Variants in ADAMTS13 observed in about 807,000 individuals in gnomAD.
The protein encoded by ADAMTS13 is A disintegrin and metalloproteinase with thrombospondin motifs 13.
In ADAMTS13, 110 loss-of-function variants were observed where a neutral mutation model predicts 155.1. The ratio of observed to expected loss-of-function variants is 0.71; its 90% confidence interval spans 0.61 to 0.83. The LOEUF (loss-of-function observed/expected upper bound fraction) is 0.83. ADAMTS13 is among the 40% of genes least tolerant of loss of function. ADAMTS13 has a pLI of 0.00. For synonymous variants in ADAMTS13, 758 were observed against 756.4 expected (o/e 1.00, Z -0.03); for missense variants, 1,707 against 1,891.7 (o/e 0.90, Z 1.81).
In ADAMTS13 at chr9:133,439,362, C is replaced by A. The variant is rs967189107; in HGVS notation, c.1706-4C>A. The A allele has an allele frequency of 6.2e-7, 1 of 1,607,616 alleles. No individual in the cohort carries two copies. Among genetic ancestry groups the A allele is most frequent in the Non-Finnish European group, 8.5e-7 (1 of 1,174,200 alleles). ...CGCATCTCTCCTTCTTTTCTTCTTT[C>A]TAGAATATGTCACGTTTCTGACAGT... On this transcript the variant is annotated splice_polypyrimidine_tract_variant and splice_region_variant and intron_variant, in intron 14 of 28. Coordinates refer to ENST00000355699, the MANE Select transcript of ADAMTS13 (RefSeq NM_139027.6).
At chr9:133,446,758 TC>T (rs1204086994) in intron 21 of ADAMTS13, among the ~76,000 whole-genome samples, 1 of 152,230 alleles carries the variant, frequency 6.6e-6, no homozygotes, top group Non-Finnish European at 1.5e-5. Context: ...TGGACTGTTT[TC>T]CCCAGTGGCT....
chr9:133,439,555 C>G (rs1445998456), intron 15 of ADAMTS13, 109 bp downstream of exon 15: 1 of 950,770 alleles, frequency 1.1e-6, no homozygotes, highest in Admixed American at 1.7e-5. Flanking sequence ...AGGGGGTTCC[C>G]CAAACCACCC....
chr9:133,419,476 A>G (rs1839856220), upstream of ADAMTS13, among the ~76,000 whole-genome samples: 2 of 152,344 alleles, frequency 1.3e-5, no homozygotes, highest in Middle Eastern at 3.4e-3. Context: ...TAGTTCATCC[A>G]AAGAGAGAGT....
At chr9:133,438,425 G>A in intron 14 of ADAMTS13, 59 bp downstream of exon 14, 6 of 1,605,608 alleles carry the variant, frequency 3.7e-6, no homozygotes, top group Admixed American at 1.7e-5. Context: ...GATGGCCACA[G>A]CCCAGAGCGT....
In ADAMTS13 at chr9:133,445,694, C is replaced by T; in HGVS notation, c.2611-5C>T. On this transcript the variant is annotated splice_polypyrimidine_tract_variant and splice_region_variant and intron_variant, in intron 20 of 28. Transcript: ENST00000355699. The surrounding 1 kb of genome is among the most constrained non-coding windows in gnomAD (Gnocchi z 5.0). ...GACCCACCAGCTTGTTGCTATTCCCCACAGCTGGATGCCACCTCTGCAGGG... is the reference window on the plus strand; with the variant it reads ...GACCCACCAGCTTGTTGCTATTCCCTACAGCTGGATGCCACCTCTGCAGGG... 1 of 1,612,926 alleles carries T rather than the reference C, an allele frequency of 6.2e-7. No homozygotes were observed. The highest frequency in any genetic ancestry group is 8.5e-7 in the Non-Finnish European group (1 of 1,179,860).
intron 21 of ADAMTS13, 94 bp from the exon 22 acceptor site, chr9:133,448,505 G>A (rs1020782854): frequency 7.1e-6 from 11 of 1,545,280 alleles, no homozygotes; most frequent in South Asian, 1.1e-5. Flanking sequence ...AAACCCATGC[G>A]GGCCTTATGT....
At position 133,456,828 on chromosome 9, in the gene ADAMTS13, G is replaced by A. The variant is rs587652810; in HGVS notation, c.3724+109G>A. On this transcript the variant is annotated intron_variant, in intron 27 of 28. Transcript: ENST00000355699. The surrounding 1 kb of genome is among the most constrained non-coding windows in gnomAD (Gnocchi z 4.4). ...TCCCAGTGGGGCAGTGGGAAGATAC[G>A]GAGGGAACTGACTGAGATGGAAGGA... The A allele has an allele frequency of 3.7e-5, 51 of 1,366,850 alleles. No individual in the cohort carries two copies. Among genetic ancestry groups the A allele is most frequent in the Admixed American group, 5.9e-5 (3 of 50,766 alleles). 84.7% of individuals were successfully genotyped at this position (1,366,850 alleles called of 1,614,324 possible).
chr9:133,457,023 C>T (rs1554796308), intron 27 of ADAMTS13: 1 of 494,386 alleles, frequency 2.0e-6, no homozygotes, highest in Admixed American at 3.0e-5. Flanking sequence ...CCGCCCCCAC[C>T]CCTCCAGCCT....
At position 133,456,203 on chromosome 9, in the gene ADAMTS13, A is replaced by T; in HGVS notation, c.3535A>T (p.Asn1179Tyr). Reference protein sequence around the residue: ...VTLRVLESSLNCSAGDMLLLW... With the variant: ...VTLRVLESSLYCSAGDMLLLW... ...CCTCCGCGTCCTTGAGAGTTCTCTC[A>T]ACTGCAGTGCGGGTATGTCTAGGGC... is the stretch of plus-strand genomic sequence containing the variant. The change falls in exon 26 of 29, where the codon AAC becomes TAC. Residue 1179 changes from asparagine to tyrosine, a missense_variant. Physicochemically the swap from Asn to Tyr is moderately radical, Grantham distance 143 (BLOSUM62 -2). Coordinates refer to ENST00000355699, the MANE Select transcript of ADAMTS13 (RefSeq NM_139027.6). The surrounding 1 kb of genome is among the most constrained non-coding windows in gnomAD (Gnocchi z 4.4). The T allele has an allele frequency of 6.2e-7, 1 of 1,613,526 alleles. No individual in the cohort carries two copies. Among genetic ancestry groups the T allele is most frequent in the Non-Finnish European group, 8.5e-7 (1 of 1,180,022 alleles).
At chr9:133,438,392 G>T (rs1841410775) in intron 14 of ADAMTS13, 26 bp downstream of exon 14, 1 of 1,612,270 alleles carries the variant, frequency 6.2e-7, no homozygotes, top group South Asian at 1.1e-5. Context: ...CGGGGCAGAG[G>T]CTGGGCTTCC....
chr9:133,437,086 C>T, intron 12 of ADAMTS13, 131 bp downstream of exon 12: 17 of 1,246,570 alleles, frequency 1.4e-5, no homozygotes, highest in Non-Finnish European at 1.9e-5. Context: ...TGGCATCCCA[C>T]AGACCATGGA....
chr9:133,448,525 G>T, intron 21 of ADAMTS13, 74 bp from the exon 22 acceptor site: 1 of 1,594,142 alleles, frequency 6.3e-7, no homozygotes, highest in Non-Finnish European at 8.5e-7. Flanking sequence ...TGCTAGAGGT[G>T]TCCAGTGAGC....
At chr9:133,447,177 T>C (rs1389754238) in intron 21 of ADAMTS13, among the ~76,000 whole-genome samples, 2 of 152,128 alleles carry the variant, frequency 1.3e-5, no homozygotes, top group Non-Finnish European at 2.9e-5. Flanking sequence ...TTTTTTATAA[T>C]GGCCATCCTA....
intron 11 of ADAMTS13, 93 bp from the exon 12 acceptor site, chr9:133,436,736 G>C: frequency 7.6e-7 from 1 of 1,310,530 alleles, no homozygotes; most frequent in East Asian, 2.6e-5. Flanking sequence ...CCCACATCTT[G>C]ATCCTGTACT....
chr9:133,437,084 C>T, intron 12 of ADAMTS13, 129 bp downstream of exon 12: 1 of 1,257,318 alleles, frequency 8.0e-7, no homozygotes, highest in Non-Finnish European at 1.1e-6. Flanking sequence ...TCTGGCATCC[C>T]ACAGACCATG....
upstream of ADAMTS13, among the ~76,000 whole-genome samples, chr9:133,420,218 T>C (rs1839900786): frequency 6.6e-6 from 1 of 152,002 alleles, no homozygotes; most frequent in Admixed American, 6.6e-5. Flanking sequence ...TTTTGTATTT[T>C]TGAAAAGAGA....
At chr9:133,422,627 G>A (rs1554783735) in intron 1 of ADAMTS13, 79 bp downstream of exon 1, 45 of 1,416,478 alleles carry the variant, frequency 3.2e-5, no homozygotes, top group Admixed American at 7.3e-5. Context: ...CGAGGGGAGT[G>A]CCAAATAGCT....
At chr9:133,453,573 G>A (rs991616933) in intron 23 of ADAMTS13, among the ~76,000 whole-genome samples, 4 of 152,096 alleles carry the variant, frequency 2.6e-5, no homozygotes, top group African/African-American at 9.7e-5. Flanking sequence ...GAGGTGAGAG[G>A]ATGGCTTGAA....
intron 21 of ADAMTS13, 46 bp from the exon 22 acceptor site, chr9:133,448,530 GTGAGCCTGGGCTGCAGTCCTTGC>G: frequency 6.3e-7 from 1 of 1,598,262 alleles, no homozygotes; most frequent in Non-Finnish European, 8.5e-7. Context: ...GAGGTGTCCA[GTGAGCCTGGGCTGCAGTCCTTGC>G]TGAGCCTGTC....
Sources: allele counts gnomAD v4.1 joint callset (sites outside exome capture counted in the v4.1 genomes callset), GRCh38; gene constraint gnomAD v4.1.1; non-coding constraint Gnocchi (gnomAD v3.1); transcripts MANE v1.5; gene names NCBI Gene and HGNC (gene_info 2026-07-23, HGNC 2026-07-21).